Variants in CTNNA2 observed in about 807,000 individuals in gnomAD.
CTNNA2 encodes catenin alpha 2.
A neutral mutation model predicts 101.0 loss-of-function variants in CTNNA2; 42 were observed. That is an observed-to-expected ratio of 0.42 (90% CI 0.32 to 0.54). The LOEUF is 0.54. Ranked by LOEUF, CTNNA2 falls within the 20% of genes least tolerant of loss-of-function variation. The pLI is 0.14. For synonymous variants in CTNNA2, 450 were observed against 456.4 expected (o/e 0.99, Z 0.18); for missense variants, 871 against 1,223.1 (o/e 0.71, Z 4.29).
intron 6 of CTNNA2, among the ~76,000 whole-genome samples, chr2:79,897,274 G>A (rs1684781313): frequency 6.7e-6 from 1 of 150,218 alleles, no homozygotes; most frequent in East Asian, 1.9e-4. Flanking sequence ...TGAGGCCAGT[G>A]GGGTAGTGTG....
chr2:80,076,277 C>CA (rs2148792190), intron 7 of CTNNA2, among the ~76,000 whole-genome samples: 1 of 146,894 alleles, frequency 6.8e-6, no homozygotes, highest in African/African-American at 2.5e-5. Flanking sequence ...ATCATTTTTT[C>CA]CTTTTTTTTT....
intron 7 of CTNNA2, among the ~76,000 whole-genome samples, chr2:79,948,494 A>G (rs1309052678): frequency 6.6e-6 from 1 of 152,234 alleles, no homozygotes; most frequent in African/African-American, 2.4e-5. Context: ...GATTAATGAC[A>G]GTGAAGTGCT....
At chr2:80,191,077 G>GTCATAT (rs1706471321) in intron 7 of CTNNA2, among the ~76,000 whole-genome samples, 1 of 152,146 alleles carries the variant, frequency 6.6e-6, no homozygotes, top group Admixed American at 6.5e-5. Flanking sequence ...CTCTATCATA[G>GTCATAT]TCATATTTTA....
Position 80,292,805 on chromosome 2 carries a change from C to G in CTNNA2, c.1057-100406C>G, listed in dbSNP as rs115353224. On this transcript the variant is annotated intron_variant, in intron 7 of 18. Transcript: ENST00000402739. ...TGCTACTTTGATTGAATGAGTTGAGCAATATAATCGGAAGTTAAAAGCATC... is the reference window on the plus strand; with the variant it reads ...TGCTACTTTGATTGAATGAGTTGAGGAATATAATCGGAAGTTAAAAGCATC... 3.2e-3 allele frequency among the ~76,000 whole-genome samples: 491 copies of G among 152,260 alleles called. 3 individuals carry two copies. Among genetic ancestry groups the G allele is most frequent in the African/African-American group, 0.011 (470 of 41,552 alleles).
chr2:79,298,150 A>T (rs1475274168), intron 2 of CTNNA2, among the ~76,000 whole-genome samples: 1 of 152,174 alleles, frequency 6.6e-6, no homozygotes, highest in African/African-American at 2.4e-5. Flanking sequence ...TAGGCATGGC[A>T]TGGGCATCTG....
At chr2:79,895,810 A>G (rs1684674303) in intron 6 of CTNNA2, among the ~76,000 whole-genome samples, 1 of 151,524 alleles carries the variant, frequency 6.6e-6, no homozygotes, top group South Asian at 2.1e-4. Flanking sequence ...CCACCGACTT[A>G]AAAATGTAAA....
chr2:79,741,865 A>T (rs1414108242), intron 2 of CTNNA2, among the ~76,000 whole-genome samples: 1 of 152,204 alleles, frequency 6.6e-6, no homozygotes, highest in African/African-American at 2.4e-5. Flanking sequence ...TTTGTCCTCC[A>T]ATAAAACACT....
In CTNNA2 at chr2:80,456,704, C is replaced by A. The variant is rs76472016; in HGVS notation, c.1290+37103C>A. On this transcript the variant is annotated intron_variant, in intron 9 of 18. Transcript: ENST00000402739. ...GCCTTAGACAGGTACTTATACACTT[C>A]GAGTTTCAGTTTCCTTAGCTATAAA... is the stretch of plus-strand genomic sequence containing the variant. 2.0e-5 allele frequency among the ~76,000 whole-genome samples: 3 copies of A among 152,198 alleles called. No individual in the cohort carries two copies. In the East Asian group the frequency reaches 5.8e-4, roughly 29 times the overall value.
chr2:79,213,375 T>C (rs1187804887), intron 2 of CTNNA2, among the ~76,000 whole-genome samples: 2 of 152,108 alleles, frequency 1.3e-5, no homozygotes, highest in Non-Finnish European at 2.9e-5. Context: ...ACCTCTTGCA[T>C]GGTGGTGCAG....
At chr2:79,388,926 T>C (rs1678136943) in intron 4 of CTNNA2, among the ~76,000 whole-genome samples, 1 of 152,236 alleles carries the variant, frequency 6.6e-6, no homozygotes, top group Non-Finnish European at 1.5e-5. Context: ...ATTTTAATCA[T>C]AATTTATCTA....
intron 17 of CTNNA2, chr2:80,618,619 T>A (rs1047072976): frequency 3.9e-5 from 6 of 152,212 alleles, no homozygotes; most frequent in Admixed American, 2.6e-4. Flanking sequence ...GTACAGAGGT[T>A]GGATGTGCAG....
intron 3 of CTNNA2, among the ~76,000 whole-genome samples, chr2:79,804,414 A>T (rs1402284579): frequency 1.3e-5 from 2 of 152,194 alleles, no homozygotes; most frequent in Non-Finnish European, 2.9e-5. Context: ...TATTTTTTTG[A>T]GCAAAATGAA....
intron 1 of CTNNA2, among the ~76,000 whole-genome samples, chr2:79,596,409 G>A (rs1677192819): frequency 6.6e-6 from 1 of 152,114 alleles, no homozygotes; most frequent in Admixed American, 6.5e-5. Context: ...TCCCCACGAA[G>A]AGAAAAGGAA....
chr2:80,517,929 A>G (rs1331569656), intron 9 of CTNNA2, among the ~76,000 whole-genome samples: 1 of 152,176 alleles, frequency 6.6e-6, no homozygotes, highest in Non-Finnish European at 1.5e-5. Context: ...CACACTAACC[A>G]GATATTTGCC....
chr2:80,436,214 GA>G (rs1016184021), intron 9 of CTNNA2, among the ~76,000 whole-genome samples: 5 of 152,234 alleles, frequency 3.3e-5, no homozygotes, highest in Non-Finnish European at 5.9e-5. Context: ...TATATCAAGG[GA>G]CAGACACTGC....
chr2:79,507,493 T>C (rs1671438807), intron 5 of CTNNA2, among the ~76,000 whole-genome samples: 1 of 152,166 alleles, frequency 6.6e-6, no homozygotes, highest in Non-Finnish European at 1.5e-5. Flanking sequence ...CACCATAAGA[T>C]AATGCAGCAA....
intron 4 of CTNNA2, among the ~76,000 whole-genome samples, chr2:79,468,394 C>A (rs1256217922): frequency 2.0e-5 from 3 of 152,070 alleles, no homozygotes; most frequent in Admixed American, 6.5e-5. Flanking sequence ...CCTTAGAGAC[C>A]AACAAAGAGA....
intron 2 of CTNNA2, among the ~76,000 whole-genome samples, chr2:79,675,774 A>G (rs17727983): frequency 0.19 from 28,242 of 152,150 alleles, 2,993 homozygotes; most frequent in South Asian, 0.27. Context: ...CTGAATAAGA[A>G]TTTCCAGAAT....
intron 1 of CTNNA2, among the ~76,000 whole-genome samples, chr2:79,544,697 A>G (rs948356492): frequency 2.0e-5 from 3 of 152,204 alleles, no homozygotes; most frequent in African/African-American, 7.2e-5. Context: ...CATGAGACCC[A>G]AAATGAAGAT....
Sources: allele counts gnomAD v4.1 joint callset (sites outside exome capture counted in the v4.1 genomes callset), GRCh38; gene constraint gnomAD v4.1.1; transcripts MANE v1.5; gene names NCBI Gene and HGNC (gene_info 2026-07-23, HGNC 2026-07-21).